Variants in DMRT1 observed in about 807,000 individuals in gnomAD.
The protein encoded by DMRT1 is doublesex and mab-3 related transcription factor 1.
In DMRT1, 7 loss-of-function variants were observed where a neutral mutation model predicts 32.3. The observed-to-expected ratio is 0.22, with a 90% confidence interval of 0.12 to 0.41. The LOEUF (loss-of-function observed/expected upper bound fraction) is 0.41. Ranked by LOEUF, DMRT1 falls within the 10% of genes least tolerant of loss-of-function variation. The probability of loss-of-function intolerance (pLI) is 1.00; values close to 1 mark genes in which losing one functional copy is unlikely to be tolerated. For missense variants in DMRT1, 625 were observed against 500.5 expected (o/e 1.25, Z -2.37); for synonymous variants, 278 against 206.1 (o/e 1.35, Z -2.99).
At chr9:963,890 C>T (rs189722699) in intron 4 of DMRT1, among the ~76,000 whole-genome samples, 1 of 152,098 alleles carries the variant, frequency 6.6e-6, no homozygotes, top group Non-Finnish European at 1.5e-5. Context: ...TTTCTTATGC[C>T]TACAAAGTCT....
chr9:951,137 C>T lies in DMRT1; in HGVS notation c.968-16848C>T, dbSNP rs549620238. 2.6e-5 allele frequency among the ~76,000 whole-genome samples: 4 copies of T among 152,176 alleles called. No individual in the cohort carries two copies. The South Asian group carries it at 6.2e-4, about 24-fold the overall frequency. On this transcript the variant is annotated intron_variant, in intron 4 of 4. Coordinates refer to ENST00000382276, the MANE Select transcript of DMRT1 (RefSeq NM_021951.3). ...TAAAATTTCTGACAAATAATTAAAT[C>T]CTAGAGCCTCATTGAAGCACTAGAC...
At chr9:900,842 G>A (rs569343679) in intron 3 of DMRT1, among the ~76,000 whole-genome samples, 1 of 151,666 alleles carries the variant, frequency 6.6e-6, no homozygotes, top group African/African-American at 2.4e-5. Context: ...GTGCCACCAT[G>A]CCACACCTGG....
intron 2 of DMRT1, among the ~76,000 whole-genome samples, chr9:862,037 G>C (rs536273824): frequency 6.6e-6 from 1 of 151,100 alleles, no homozygotes; most frequent in Non-Finnish European, 1.5e-5. Flanking sequence ...CGGGCGGAGG[G>C]GCTCCTCACA....
In DMRT1 at chr9:847,161, G is replaced by T; in HGVS notation, c.538+18G>T. The T allele has an allele frequency of 6.2e-7, 1 of 1,610,578 alleles. No individual in the cohort carries two copies. Among genetic ancestry groups the T allele is most frequent in the Non-Finnish European group, 8.5e-7 (1 of 1,178,758 alleles). On this transcript the variant is annotated intron_variant, in intron 2 of 4. Transcript: ENST00000382276. ...AGCTTCAGGTAATCTGGAGGGGCTG[G>T]GGTTCACATGGAGGCTGGGCATGAG...
At chr9:919,555 A>G (rs1179400514) in intron 4 of DMRT1, among the ~76,000 whole-genome samples, 2 of 152,094 alleles carry the variant, frequency 1.3e-5, no homozygotes, top group African/African-American at 2.4e-5. Context: ...GGTCAGAGAG[A>G]TGGTGGAGTC....
intron 3 of DMRT1, among the ~76,000 whole-genome samples, chr9:900,839 C>T (rs1586589789): frequency 6.6e-6 from 1 of 151,922 alleles, no homozygotes; most frequent in South Asian, 2.1e-4. Flanking sequence ...TGTGTGCCAC[C>T]ATGCCACACC....
intron 3 of DMRT1, among the ~76,000 whole-genome samples, chr9:908,816 A>G (rs879345806): frequency 6.8e-6 from 1 of 147,082 alleles, no homozygotes; most frequent in South Asian, 2.2e-4. Flanking sequence ...CCTCCTCTCC[A>G]CTCCTCCCCC....
In DMRT1 at chr9:925,271, T is replaced by A. The variant is rs16926097; in HGVS notation, c.967+8364T>A. Among the ~76,000 whole-genome samples the A allele has an allele frequency of 4.3e-4, 66 of 152,182 alleles. 1 individual carries two copies. Among genetic ancestry groups the A allele is most frequent in the Non-Finnish European group, 1.6e-4 (11 of 68,036 alleles). On this transcript the variant is annotated intron_variant, in intron 4 of 4. Coordinates refer to ENST00000382276, the MANE Select transcript of DMRT1 (RefSeq NM_021951.3). The stretch of plus-strand genomic sequence containing the variant: ...TGGAATCTTTTCTGTTCGTTCCTCA[T>A]CTACTTGGAGTTAGGTATTCCAGTG...
intron 4 of DMRT1, among the ~76,000 whole-genome samples, chr9:957,905 G>A (rs1819649565): frequency 6.6e-6 from 1 of 152,200 alleles, no homozygotes; most frequent in Admixed American, 6.5e-5. Flanking sequence ...AGCTACTTGG[G>A]AGGCTGAGGC....
intron 2 of DMRT1, among the ~76,000 whole-genome samples, chr9:851,308 G>T (rs1016659515): frequency 6.6e-6 from 1 of 151,678 alleles, no homozygotes; most frequent in Non-Finnish European, 1.5e-5. Context: ...GTGCAATCTT[G>T]GCTCACTGCA....
chr9:844,608 C>G (rs1001857973), intron 1 of DMRT1, among the ~76,000 whole-genome samples: 1 of 150,972 alleles, frequency 6.6e-6, no homozygotes, highest in African/African-American at 2.4e-5. Flanking sequence ...AAGTCGAAGA[C>G]TTTTTTTTGG....
chr9:870,051 C>T (rs1309047309), intron 2 of DMRT1, among the ~76,000 whole-genome samples: 2 of 152,202 alleles, frequency 1.3e-5, no homozygotes, highest in African/African-American at 2.4e-5. Flanking sequence ...TGAGAGCTTT[C>T]TCTTAGAAGT....
At chr9:959,540 G>GT (rs975315226) in intron 4 of DMRT1, among the ~76,000 whole-genome samples, 1 of 151,998 alleles carries the variant, frequency 6.6e-6, no homozygotes, top group Non-Finnish European at 1.5e-5. Context: ...TTTGTTTTTT[G>GT]TTTTTTGAGA....
intron 2 of DMRT1, among the ~76,000 whole-genome samples, chr9:880,594 C>T (rs551093849): frequency 9.9e-5 from 15 of 151,888 alleles, no homozygotes; most frequent in South Asian, 2.1e-4. Context: ...GGCATGGTGG[C>T]GCATGCCTGT....
intron 3 of DMRT1, among the ~76,000 whole-genome samples, chr9:916,318 A>G (rs1818180477): frequency 6.6e-6 from 1 of 152,004 alleles, no homozygotes; most frequent in Non-Finnish European, 1.5e-5. Flanking sequence ...ACATTGGAAG[A>G]GCATATTCAT....
intron 3 of DMRT1, among the ~76,000 whole-genome samples, chr9:904,490 C>A (rs1474540950): frequency 6.6e-6 from 1 of 152,144 alleles, no homozygotes; most frequent in Non-Finnish European, 1.5e-5. Flanking sequence ...GAAAAAAAGA[C>A]TAGAGTTGCC....
At position 953,942 on chromosome 9, in the gene DMRT1, G is replaced by T. The variant is rs534452090; in HGVS notation, c.968-14043G>T. 1.2e-3 allele frequency among the ~76,000 whole-genome samples: 186 copies of T among 152,312 alleles called. 1 individual carries two copies. Among genetic ancestry groups the T allele is most frequent in the African/African-American group, 4.3e-3 (177 of 41,566 alleles). ...GTAGGGGAGTCATTAGATCCATAATGAGAGTGAAAGTGATAGTGGCACAAG... is the reference window on the plus strand; with the variant it reads ...GTAGGGGAGTCATTAGATCCATAATTAGAGTGAAAGTGATAGTGGCACAAG... On this transcript the variant is annotated intron_variant, in intron 4 of 4. Transcript: ENST00000382276.
At chr9:919,457 T>G (rs960528457) in intron 4 of DMRT1, among the ~76,000 whole-genome samples, 2 of 152,154 alleles carry the variant, frequency 1.3e-5, no homozygotes, top group Non-Finnish European at 2.9e-5. Context: ...GTTTTCCTTT[T>G]GTCGTGTTAC....
chr9:917,852 G>A (rs1818232683), intron 4 of DMRT1, among the ~76,000 whole-genome samples: 2 of 152,150 alleles, frequency 1.3e-5, no homozygotes, highest in South Asian at 4.1e-4. Context: ...CTATTAATAT[G>A]AAATATATAG....
Sources: gnomAD v4.1 joint callset for allele counts (sites outside exome capture counted in the v4.1 genomes callset) on GRCh38, gnomAD v4.1.1 for gene constraint, MANE v1.5 for transcripts, NCBI Gene and HGNC (gene_info 2026-07-23, HGNC 2026-07-21) for gene names.